Variants in AGBL1 observed in about 807,000 individuals in gnomAD.
AGBL1 encodes the protein AGBL carboxypeptidase 1, also known as cytosolic carboxypeptidase 4.
A neutral mutation model predicts 118.9 loss-of-function variants in AGBL1; 130 were observed. The ratio of observed to expected loss-of-function variants is 1.09; its 90% confidence interval spans 0.95 to 1.26. The LOEUF (loss-of-function observed/expected upper bound fraction) is 1.26, where lower values mean the gene tolerates loss of function less well. AGBL1 is among the 50% of genes most tolerant of loss of function. AGBL1 has a pLI of 0.00. For missense variants in AGBL1, 1,584 were observed against 1,298.1 expected, an observed-to-expected ratio of 1.22 and a Z score of -3.38; for synonymous variants, 555 against 478.9, an observed-to-expected ratio of 1.16 and a Z score of -2.08.
rs148463443 is a variant in AGBL1, at chr15:86,284,873, G to A, written c.2220+5090G>A. On this transcript the variant is annotated intron_variant, in intron 16 of 22. Transcript: ENST00000614907. ...ACACAGGATGAGGCTGCAGGCTAAGGTTATCAGCTTGATATTGTTCACAGA... is the reference window on the plus strand; with the variant it reads ...ACACAGGATGAGGCTGCAGGCTAAGATTATCAGCTTGATATTGTTCACAGA... Among the ~76,000 whole-genome samples the A allele has an allele frequency of 7.9e-5, 12 of 152,284 alleles. No homozygotes were observed. The East Asian group carries it at 1.4e-3, about 17-fold the overall frequency.
In AGBL1 at chr15:86,788,198, C is replaced by T. The variant is rs527674950; in HGVS notation, c.3158+113762C>T. Among the ~76,000 whole-genome samples the T allele has an allele frequency of 1.2e-3, 185 of 152,292 alleles. 1 individual carries two copies. Among genetic ancestry groups the T allele is most frequent in the African/African-American group, 4.2e-3 (174 of 41,558 alleles). ...CCAAGCCCTTGGAAGGACTTAGATG[C>T]TTTCTTTGGTCTCTTGCTTGTGAGC... is the stretch of plus-strand genomic sequence containing the variant. On this transcript the variant is annotated intron_variant, in intron 22 of 22. Transcript: ENST00000614907.
At chr15:86,825,963 A>C (rs2079008369) in intron 22 of AGBL1, among the ~76,000 whole-genome samples, 1 of 151,934 alleles carries the variant, frequency 6.6e-6, no homozygotes, top group Non-Finnish European at 1.5e-5. Context: ...ATAGATACAC[A>C]TGCAGTTGTA....
At chr15:86,194,496 C>A (rs1002364918) in intron 5 of AGBL1, among the ~76,000 whole-genome samples, 1 of 152,162 alleles carries the variant, frequency 6.6e-6, no homozygotes, top group African/African-American at 2.4e-5. Context: ...TTTTAATGTA[C>A]TTCAGGATTT....
At chr15:86,778,039 GA>G (rs1338368286) in intron 22 of AGBL1, among the ~76,000 whole-genome samples, 1 of 152,128 alleles carries the variant, frequency 6.6e-6, no homozygotes. Context: ...TAAAAGGACA[GA>G]GTACAAAAGA....
chr15:86,283,743 A>C (rs919270377), intron 16 of AGBL1, among the ~76,000 whole-genome samples: 1 of 152,142 alleles, frequency 6.6e-6, no homozygotes, highest in African/African-American at 2.4e-5. Flanking sequence ...ACAGACCCCA[A>C]TAAAGGTTCT....
At chr15:86,970,754 A>T (rs908774633) in intron 23 of AGBL1, among the ~76,000 whole-genome samples, 1 of 151,992 alleles carries the variant, frequency 6.6e-6, no homozygotes. Context: ...TATTGGATGG[A>T]AGTTAGCTGA....
intron 17 of AGBL1, among the ~76,000 whole-genome samples, chr15:86,321,323 T>G (rs2080101764): frequency 6.6e-6 from 1 of 152,186 alleles, no homozygotes; most frequent in African/African-American, 2.4e-5. Flanking sequence ...GAAACAAGTT[T>G]GACAAGTTGT....
chr15:86,083,100 C>T (rs1360568798), intron 1 of AGBL1, among the ~76,000 whole-genome samples: 3 of 152,146 alleles, frequency 2.0e-5, no homozygotes, highest in Non-Finnish European at 2.9e-5. Flanking sequence ...TATGATTTCC[C>T]TCGTTGAGTA....
At position 86,698,627 on chromosome 15, in the gene AGBL1, A is replaced by T. The variant is rs541336214; in HGVS notation, c.3158+24191A>T. 5.7e-3 allele frequency among the ~76,000 whole-genome samples: 847 copies of T among 149,500 alleles called. 6 individuals carry two copies. The highest frequency in any genetic ancestry group is 0.019 in the African/African-American group (787 of 40,556). On this transcript the variant is annotated intron_variant, in intron 22 of 22. Coordinates refer to ENST00000614907, the MANE Select transcript of AGBL1 (RefSeq NM_001386094.1). ...TGATCATTGTTTTTTTTTTTTTTTA[A>T]AAAGAGACCAACAGGATTTATGGAG...
chr15:86,162,835 T>C (rs2077286092), intron 5 of AGBL1, among the ~76,000 whole-genome samples: 1 of 152,154 alleles, frequency 6.6e-6, no homozygotes, highest in Non-Finnish European at 1.5e-5. Flanking sequence ...TCCCCAGGTC[T>C]CTCCCTTCCT....
At chr15:86,096,023 G>A (rs1428258266) in intron 1 of AGBL1, among the ~76,000 whole-genome samples, 9 of 151,326 alleles carry the variant, frequency 5.9e-5, no homozygotes, top group African/African-American at 2.2e-4. Context: ...CTAAACTATT[G>A]TTTACTTAAC....
rs78658366 is a variant in AGBL1 at position 86,264,599 on chromosome 15, A to T, written c.1428A>T (p.Pro476=). 6.2e-7 allele frequency: 1 copy of T among 1,613,902 alleles called. No homozygotes were observed. The highest frequency in any genetic ancestry group is 8.5e-7 in the Non-Finnish European group (1 of 1,179,844). Residue 476 remains proline (P), a synonymous_variant, in exon 11 of 23, where the codon CCA becomes CCT. Coordinates refer to ENST00000614907, the MANE Select transcript of AGBL1 (RefSeq NM_001386094.1). ...GGGACGTAGATGCAATTTTCTGCCC[A>T]AGGATGAGTGCCTCCTTTTCTAATT... ...DAWDVDAIFC[P]RMSASFSNST... is the part of the protein sequence containing the mutation.
intron 22 of AGBL1, among the ~76,000 whole-genome samples, chr15:86,819,746 C>T (rs1182988741): frequency 6.6e-6 from 1 of 152,054 alleles, no homozygotes; most frequent in Non-Finnish European, 1.5e-5. Flanking sequence ...CAATGCTATC[C>T]CCATCAACTA....
At chr15:86,267,734 C>A (rs893565511) in intron 13 of AGBL1, among the ~76,000 whole-genome samples, 1 of 152,158 alleles carries the variant, frequency 6.6e-6, no homozygotes, top group East Asian at 1.9e-4. Context: ...GAAGAGACCG[C>A]GGTTCTCACT....
At position 86,558,643 on chromosome 15, in the gene AGBL1, C is replaced by T. The variant is rs78414581; in HGVS notation, c.2994+4106C>T. ...AGGCTTAGATTATAAAACATGCATG[C>T]TGGAACTAAGCACTTAAATTGTTGG... On this transcript the variant is annotated intron_variant, in intron 21 of 22. Coordinates refer to ENST00000614907, the MANE Select transcript of AGBL1 (RefSeq NM_001386094.1). 1.9e-3 allele frequency among the ~76,000 whole-genome samples: 290 copies of T among 152,256 alleles called. 1 individual carries two copies. The highest frequency in any genetic ancestry group is 6.9e-3 in the African/African-American group (288 of 41,536).
In AGBL1 at chr15:86,433,266, C is replaced by CTTTTTTTTTTTTTTTTTTTTTTTTTTTTT. The variant is rs59417397; in HGVS notation, c.2555+35747_2555+35748insTTTTTTTTTTTTTTTTTTTTTTTTTTTTT. ...TCTCCTCCTCCTCCTCCTCCTTCTT[C>CTTTTTTTTTTTTTTTTTTTTTTTTTTTTT]TTTTTTTTTTTTTTTTTTTTTTTTT... On this transcript the variant is annotated intron_variant, in intron 18 of 22. Coordinates refer to ENST00000614907, the MANE Select transcript of AGBL1 (RefSeq NM_001386094.1). 4.0e-5 allele frequency among the ~76,000 whole-genome samples: 3 copies of CTTTTTTTTTTTTTTTTTTTTTTTTTTTTT among 74,894 alleles called. 1 individual carries two copies. The highest frequency in any genetic ancestry group is 1.7e-4 in the Admixed American group (1 of 6,060). 49.1% of individuals were successfully genotyped at this position (74,894 alleles called of 152,430 possible). A position where few individuals can be genotyped will look rare whatever the true frequency, so the allele number is the denominator to read the frequency against.
At chr15:86,465,963 C>T (rs995329720) in intron 18 of AGBL1, among the ~76,000 whole-genome samples, 1 of 152,180 alleles carries the variant, frequency 6.6e-6, no homozygotes, top group Non-Finnish European at 1.5e-5. Flanking sequence ...GCTAATAAAA[C>T]CTTGCTGGTT....
intron 21 of AGBL1, among the ~76,000 whole-genome samples, chr15:86,583,998 T>C (rs2084210916): frequency 6.6e-6 from 1 of 152,094 alleles, no homozygotes; most frequent in African/African-American, 2.4e-5. Flanking sequence ...TTTTGAGAAG[T>C]GTCTGTTAAT....
chr15:86,517,816 A>C (rs933017085), intron 18 of AGBL1, among the ~76,000 whole-genome samples: 2 of 152,100 alleles, frequency 1.3e-5, no homozygotes, highest in Non-Finnish European at 2.9e-5. Context: ...TCTTTTCTCC[A>C]TCCAAACCAT....
Sources: gnomAD v4.1 joint callset for allele counts (sites outside exome capture counted in the v4.1 genomes callset) on GRCh38, gnomAD v4.1.1 for gene constraint, MANE v1.5 for transcripts, NCBI Gene and HGNC (gene_info 2026-07-23, HGNC 2026-07-21) for gene names.